Variants in SBF2 observed in about 807,000 individuals in gnomAD.
The protein encoded by SBF2 is myotubularin-related protein 13.
A neutral mutation model predicts 225.2 loss-of-function variants in SBF2; 112 were observed. The observed-to-expected ratio is 0.50, with a 90% CI of 0.43 to 0.58. SBF2 has a LOEUF of 0.58. Ranked by LOEUF, SBF2 falls within the 20% of genes least tolerant of loss-of-function variation. The probability of loss-of-function intolerance (pLI) is 0.00; values close to 1 mark genes in which losing one functional copy is unlikely to be tolerated. For synonymous variants in SBF2, 763 were observed against 773.3 expected (o/e 0.99, Z 0.22); for missense variants, 1,996 against 2,206.2 (o/e 0.90, Z 1.91).
intron 26 of SBF2, among the ~76,000 whole-genome samples, chr11:9,836,471 G>T (rs766290707): frequency 4.6e-5 from 7 of 152,152 alleles, no homozygotes; most frequent in Middle Eastern, 3.4e-3. Context: ...CCACTGGTCC[G>T]TTTGTCCATT....
At chr11:10,049,514 G>T (rs1459985689) in intron 2 of SBF2, among the ~76,000 whole-genome samples, 3 of 152,100 alleles carry the variant, frequency 2.0e-5, no homozygotes, top group Non-Finnish European at 4.4e-5. Flanking sequence ...GGCTGAGACA[G>T]AAGAATCGCT....
intron 2 of SBF2, among the ~76,000 whole-genome samples, chr11:10,168,865 C>T (rs756972262): frequency 3.3e-5 from 5 of 152,158 alleles, no homozygotes; most frequent in Non-Finnish European, 7.4e-5. Context: ...AGAAAGTGAA[C>T]TTCAAGCAAT....
chr11:9,793,424 C>G (rs1348834027), intron 33 of SBF2, among the ~76,000 whole-genome samples: 2 of 152,076 alleles, frequency 1.3e-5, no homozygotes, highest in Non-Finnish European at 2.9e-5. Flanking sequence ...GGGTCTCACT[C>G]TGTCACCCAG....
chr11:10,179,097 A>G (rs1381372952), intron 2 of SBF2, among the ~76,000 whole-genome samples: 2 of 150,332 alleles, frequency 1.3e-5, no homozygotes, highest in African/African-American at 2.5e-5. Flanking sequence ...CGCAAGAACA[A>G]AAAACGAAAC....
At chr11:9,967,971 C>CTCTCTCTCTCTCTATATA (rs1260685462) in intron 14 of SBF2, among the ~76,000 whole-genome samples, 21 of 91,496 alleles carry the variant, frequency 2.3e-4, no homozygotes, top group Admixed American at 6.3e-4. Flanking sequence ...CTCTCTCTCT[C>CTCTCTCTCTCTCTATATA]TATATATATA....
At chr11:10,280,352 C>T (rs998622717) in intron 1 of SBF2, among the ~76,000 whole-genome samples, 3 of 152,194 alleles carry the variant, frequency 2.0e-5, no homozygotes, top group Non-Finnish European at 4.4e-5. Context: ...TATTCCTATA[C>T]ATACTATCCC....
At chr11:10,009,674 G>T (rs1237760253) in intron 6 of SBF2, among the ~76,000 whole-genome samples, 1 of 152,184 alleles carries the variant, frequency 6.6e-6, no homozygotes, top group Non-Finnish European at 1.5e-5. Context: ...GGACATTTGG[G>T]TGGGTTCCAA....
intron 29 of SBF2, among the ~76,000 whole-genome samples, chr11:9,815,326 C>T (rs969758186): frequency 6.9e-6 from 1 of 145,300 alleles, no homozygotes; most frequent in Non-Finnish European, 1.5e-5. Flanking sequence ...CGTGGTGACG[C>T]GTGCCTGTAA....
At chr11:10,089,559 C>T (rs1253520101) in intron 2 of SBF2, among the ~76,000 whole-genome samples, 6 of 152,062 alleles carry the variant, frequency 3.9e-5, no homozygotes, top group African/African-American at 4.8e-5. Flanking sequence ...ATTACATCCA[C>T]GGATACCCAG....
chr11:10,042,452 A>G (rs1949688933), intron 3 of SBF2, among the ~76,000 whole-genome samples: 1 of 152,208 alleles, frequency 6.6e-6, no homozygotes. Context: ...TTGGGTGCTT[A>G]AACAATAATG....
intron 1 of SBF2, among the ~76,000 whole-genome samples, chr11:10,229,931 T>C (rs1174006782): frequency 6.6e-6 from 1 of 152,208 alleles, no homozygotes; most frequent in African/African-American, 2.4e-5. Flanking sequence ...TCTCCCATTA[T>C]TATTGTGTGG....
At chr11:9,914,830 CT>C (rs1435219252) in intron 16 of SBF2, among the ~76,000 whole-genome samples, 3 of 147,412 alleles carry the variant, frequency 2.0e-5, no homozygotes, top group African/African-American at 7.6e-5. Flanking sequence ...AAAATGCGCA[CT>C]TTGGGTCACA....
At chr11:9,784,978 T>C (rs774779668) in intron 37 of SBF2, 147 bp downstream of exon 37, 9 of 781,434 alleles carry the variant, frequency 1.2e-5, no homozygotes, top group Non-Finnish European at 1.9e-5. Flanking sequence ...CAAAGAAACA[T>C]CTAAAACATT....
intron 28 of SBF2, among the ~76,000 whole-genome samples, chr11:9,825,358 C>T (rs1039244428): frequency 6.6e-6 from 1 of 152,182 alleles, no homozygotes; most frequent in Non-Finnish European, 1.5e-5. Flanking sequence ...TCACAGCCCT[C>T]AGAAGGAACC....
intron 6 of SBF2, among the ~76,000 whole-genome samples, chr11:10,003,616 C>T (rs1231754913): frequency 6.6e-6 from 1 of 152,130 alleles, no homozygotes; most frequent in Non-Finnish European, 1.5e-5. Context: ...ATACACCTGC[C>T]TCGGCCTCCC....
intron 3 of SBF2, among the ~76,000 whole-genome samples, chr11:10,040,956 T>G (rs1266780178): frequency 6.6e-6 from 1 of 152,064 alleles, no homozygotes; most frequent in African/African-American, 2.4e-5. Flanking sequence ...TACCCAAGAA[T>G]TCCTAGAACC....
At chr11:9,828,420 T>A (rs1223395670) in intron 28 of SBF2, 33 of 985,240 alleles carry the variant, frequency 3.3e-5, no homozygotes, top group Non-Finnish European at 3.7e-5. Flanking sequence ...TTATAGAGAG[T>A]TAGGTTTGGC....
intron 2 of SBF2, among the ~76,000 whole-genome samples, chr11:10,136,469 G>A (rs1437946132): frequency 2.0e-5 from 3 of 152,156 alleles, no homozygotes; most frequent in Non-Finnish European, 4.4e-5. Flanking sequence ...GACTGAGTTA[G>A]TATTTGATTA....
chr11:9,946,389 G>GA (rs1174618820), intron 16 of SBF2, among the ~76,000 whole-genome samples: 4 of 150,426 alleles, frequency 2.7e-5, no homozygotes, highest in Non-Finnish European at 5.9e-5. Context: ...AAAAATTGGG[G>GA]AAAAAAATGC....
Sources: allele counts gnomAD v4.1 joint callset (sites outside exome capture counted in the v4.1 genomes callset), GRCh38; gene constraint gnomAD v4.1.1; transcripts MANE v1.5; gene names NCBI Gene and HGNC (gene_info 2026-07-23, HGNC 2026-07-21).